The following ALMS1 variants were observed in gnomAD, a reference collection of about 807,000 sequenced individuals.
The protein encoded by ALMS1 is centrosome-associated protein ALMS1.
Under a neutral mutation model 352.2 loss-of-function variants are expected in ALMS1, and 271 were observed. The ratio of observed to expected loss-of-function variants is 0.77; its 90% confidence interval spans 0.70 to 0.85. The LOEUF (loss-of-function observed/expected upper bound fraction) is 0.85, where lower values mean the gene tolerates loss of function less well. Ranked by LOEUF, ALMS1 falls within the 40% of genes least tolerant of loss-of-function variation. The probability of loss-of-function intolerance (pLI) is 0.00; values close to 1 mark genes in which losing one functional copy is unlikely to be tolerated. For missense variants in ALMS1, 5,445 were observed against 4,870.7 expected, an observed-to-expected ratio of 1.12 and a Z score of -3.51; for synonymous variants, 1,865 against 1,761.2, an observed-to-expected ratio of 1.06 and a Z score of -1.48.
Position 73,572,966 on chromosome 2 carries a change from G to T in ALMS1, c.11089G>T (p.Val3697Leu). ...TACAGGCGAGCTTAAAAAAAGCAAG[G>T]TGCTTTCTCATCATCGAGCTGGGAG... ...KNTGELKKSKVLSHHRAGRSN... is the reference protein window; with the variant it reads ...KNTGELKKSKLLSHHRAGRSN... Residue 3697 changes from valine to leucine, a missense_variant, in exon 16 of 23, where the codon GTG becomes TTG. Transcript: ENST00000613296. 1 of 1,614,062 alleles carries T rather than the reference G, an allele frequency of 6.2e-7. No homozygotes were observed. The highest frequency in any genetic ancestry group is 8.5e-7 in the Non-Finnish European group (1 of 1,179,988).
intron 12 of ALMS1, among the ~76,000 whole-genome samples, chr2:73,542,960 G>T (rs74482088): frequency 6.6e-6 from 1 of 151,914 alleles, no homozygotes; most frequent in Non-Finnish European, 1.5e-5. Flanking sequence ...TATAGATTCA[G>T]TGCCATCCCC....
Position 73,450,071 on chromosome 2 carries a change from A to G in ALMS1, c.3544A>G (p.Thr1182Ala). 6.2e-7 allele frequency: 1 copy of G among 1,614,034 alleles called. No individual in the cohort carries two copies. The highest frequency in any genetic ancestry group is 8.5e-7 in the Non-Finnish European group (1 of 1,179,970). ...SAVTGPGNQKTWIPRVLSTFY... is the reference protein window; with the variant it reads ...SAVTGPGNQKAWIPRVLSTFY... ...TGTTACTGGACCAGGTAACCAGAAG[A>G]CTTGGATACCAAGAGTACTTTCTAC... The change falls in exon 8 of 23, where the codon ACT becomes GCT. Residue 1182 changes from threonine (T) to alanine (A), a missense_variant. Coordinates refer to ENST00000613296, the MANE Select transcript of ALMS1 (RefSeq NM_001378454.1).
At chr2:73,593,327 T>C (rs527278886) in intron 16 of ALMS1, among the ~76,000 whole-genome samples, 27 of 152,338 alleles carry the variant, frequency 1.8e-4, no homozygotes, top group African/African-American at 6.3e-4. Flanking sequence ...TCTGACAGTT[T>C]GTGCTTGGCC....
At chr2:73,600,904 T>G in intron 18 of ALMS1, 23 bp downstream of exon 18, 1 of 1,606,228 alleles carries the variant, frequency 6.2e-7, no homozygotes, top group Non-Finnish European at 8.5e-7. Flanking sequence ...TTCCAGATCT[T>G]GTAGTAGAGA....
chr2:73,539,388 C>G (rs1175764514), intron 12 of ALMS1, among the ~76,000 whole-genome samples: 1 of 152,122 alleles, frequency 6.6e-6, no homozygotes, highest in Non-Finnish European at 1.5e-5. Flanking sequence ...TCACCATCAT[C>G]AAAGACCAAA....
intron 9 of ALMS1, among the ~76,000 whole-genome samples, chr2:73,460,625 C>T (rs79450949): frequency 1.8e-3 from 279 of 152,262 alleles, no homozygotes; most frequent in Admixed American, 4.9e-3. Context: ...ATTCACAAGC[C>T]GAAGCAGGGC....
intron 21 of ALMS1, among the ~76,000 whole-genome samples, chr2:73,605,279 T>C (rs1314052084): frequency 6.6e-6 from 1 of 152,244 alleles, no homozygotes; most frequent in Non-Finnish European, 1.5e-5. Context: ...CTTGATGACC[T>C]CTTAGTACTT....
chr2:73,492,398 C>T (rs942615457), intron 10 of ALMS1, among the ~76,000 whole-genome samples: 2 of 152,148 alleles, frequency 1.3e-5, no homozygotes, highest in Non-Finnish European at 2.9e-5. Context: ...GTGATGATAT[C>T]TCTATTTTCC....
At chr2:73,597,670 C>A (rs1199914592) in intron 16 of ALMS1, among the ~76,000 whole-genome samples, 1 of 151,964 alleles carries the variant, frequency 6.6e-6, no homozygotes, top group East Asian at 1.9e-4. Flanking sequence ...ATTTCGTTTC[C>A]TTTTCTAGAT....
chr2:73,471,225 T>C (rs1672458996), intron 9 of ALMS1, among the ~76,000 whole-genome samples: 1 of 124,148 alleles, frequency 8.1e-6, no homozygotes, highest in Non-Finnish European at 1.7e-5. Context: ...TGATCCTTCC[T>C]TTTTTTTTTT....
At chr2:73,487,638 T>C (rs551467548) in intron 9 of ALMS1, among the ~76,000 whole-genome samples, 2 of 152,278 alleles carry the variant, frequency 1.3e-5, no homozygotes, top group African/African-American at 4.8e-5. Flanking sequence ...TACAGCTCTT[T>C]TAGTCCCACC....
At chr2:73,489,321 GA>G (rs1288894688) in intron 9 of ALMS1, among the ~76,000 whole-genome samples, 1 of 152,192 alleles carries the variant, frequency 6.6e-6, no homozygotes. Context: ...GCAAAAATTT[GA>G]GTAAGGCATT....
intron 12 of ALMS1, among the ~76,000 whole-genome samples, chr2:73,550,002 C>T (rs924326704): frequency 5.9e-5 from 9 of 151,998 alleles, no homozygotes; most frequent in African/African-American, 2.2e-4. Context: ...TGGGATTACA[C>T]GCACCTGCCA....
intron 16 of ALMS1, among the ~76,000 whole-genome samples, chr2:73,581,361 A>C (rs1309900196): frequency 6.6e-6 from 1 of 152,210 alleles, no homozygotes; most frequent in Non-Finnish European, 1.5e-5. Flanking sequence ...AGACATGTCA[A>C]AACAAACACA....
At chr2:73,425,380 T>C (rs781375605) in intron 5 of ALMS1, among the ~76,000 whole-genome samples, 50 of 152,196 alleles carry the variant, frequency 3.3e-4, no homozygotes, top group East Asian at 1.7e-3. Flanking sequence ...AGGAATGTTA[T>C]AGCTCCTGAT....
chr2:73,422,243 C>A (rs2103708901), intron 3 of ALMS1, among the ~76,000 whole-genome samples: 2 of 152,228 alleles, frequency 1.3e-5, no homozygotes, highest in East Asian at 3.9e-4. Context: ...ACTCTCATGT[C>A]TGTTTCTGTA....
intron 16 of ALMS1, among the ~76,000 whole-genome samples, chr2:73,590,753 A>T (rs1675415030): frequency 7.2e-6 from 1 of 137,970 alleles, no homozygotes; most frequent in Non-Finnish European, 1.5e-5. Flanking sequence ...ATCTCGGCTC[A>T]CTGCAACCTC....
intron 10 of ALMS1, among the ~76,000 whole-genome samples, chr2:73,505,609 A>T (rs1431558916): frequency 2.0e-5 from 3 of 151,598 alleles, no homozygotes; most frequent in Non-Finnish European, 2.9e-5. Flanking sequence ...CCTTGTTTTC[A>T]TTCTTAAGTA....
At chr2:73,602,108 T>G in intron 19 of ALMS1, 77 bp from the exon 20 acceptor site, 1 of 1,414,522 alleles carries the variant, frequency 7.1e-7, no homozygotes, top group Non-Finnish European at 9.8e-7. Context: ...GGGCAGGTGG[T>G]GTGTCTCCAG....
Sources: allele counts gnomAD v4.1 joint callset (sites outside exome capture counted in the v4.1 genomes callset), GRCh38; gene constraint gnomAD v4.1.1; transcripts MANE v1.5; gene names NCBI Gene and HGNC (gene_info 2026-07-23, HGNC 2026-07-21).